PPP1R12B: variants seen among roughly 807,000 people sequenced by gnomAD.
PPP1R12B encodes the protein protein phosphatase 1 regulatory subunit 12B.
In PPP1R12B, 76 loss-of-function variants were observed where a neutral mutation model predicts 126.1. The ratio of observed to expected loss-of-function variants is 0.60; its 90% CI spans 0.50 to 0.73. The LOEUF is 0.73. Among genes scored for constraint, PPP1R12B ranks in the 30% least tolerant of loss-of-function variants. The pLI, the probability that PPP1R12B is intolerant of heterozygous loss-of-function variation, is 0.00. For missense variants in PPP1R12B, 1,052 were observed against 1,205.1 expected, an observed-to-expected ratio of 0.87 and a Z score of 1.88; for synonymous variants, 356 against 434.7, an observed-to-expected ratio of 0.82 and a Z score of 2.25.
At chr1:202,420,729 A>C (rs1461435050) in intron 2 of PPP1R12B, among the ~76,000 whole-genome samples, 2 of 152,196 alleles carry the variant, frequency 1.3e-5, no homozygotes, top group Non-Finnish European at 2.9e-5. Flanking sequence ...AGAATTAAGA[A>C]TACAAATAGA....
In PPP1R12B at chr1:202,581,104, ATTCTT is replaced by A. The variant is rs959220882; in HGVS notation, c.*545_*549del. The A allele has an allele frequency of 6.5e-6, 1 of 153,580 alleles. No homozygotes were observed. The highest frequency in any genetic ancestry group is 2.4e-5 in the African/African-American group (1 of 41,404). The allele number at this position is 153,580 out of a possible 1,614,324, so 9.5% of individuals were successfully genotyped here. On this transcript the variant is annotated 3_prime_UTR_variant, in exon 24 of 24. Coordinates refer to ENST00000608999, the MANE Select transcript of PPP1R12B (RefSeq NM_002481.4). ...GACAGTGACTGCATTGAGGCGCTCT[ATTCTT>A]CTTCACCTCTCAGGAACTGACTTTT... is the stretch of plus-strand genomic sequence containing the variant.
chr1:202,371,676 A>G (rs1225403711), intron 1 of PPP1R12B, among the ~76,000 whole-genome samples: 1 of 151,914 alleles, frequency 6.6e-6, no homozygotes, highest in Non-Finnish European at 1.5e-5. Context: ...TAAACTTTTT[A>G]TTTAGAAGTG....
chr1:202,567,803 G>T lies in PPP1R12B; in HGVS notation c.2783G>T (p.Arg928Leu), dbSNP rs745900024. Residue 928 changes from arginine (R) to leucine (L), a missense_variant, in exon 22 of 24, where the codon CGA (arginine) becomes CTA (leucine). Coordinates refer to ENST00000608999, the MANE Select transcript of PPP1R12B (RefSeq NM_002481.4). Reference sequence around the variant, plus strand: ...CAGAAACAAGAAAAGACCTCTGACCGATCATCAGTGCTGGAGATGGAGAAA... The same window carrying T: ...CAGAAACAAGAAAAGACCTCTGACCTATCATCAGTGCTGGAGATGGAGAAA... ...AQQKQEKTSD[R>L]SSVLEMEKRE... 3 of 1,614,010 alleles carry T rather than the reference G, an allele frequency of 1.9e-6. No individual in the cohort carries two copies. Among genetic ancestry groups the T allele is most frequent in the Non-Finnish European group, 2.5e-6 (3 of 1,179,942 alleles).
At chr1:202,541,229 GT>G (rs3834065) in intron 18 of PPP1R12B, among the ~76,000 whole-genome samples, 2 of 150,714 alleles carry the variant, frequency 1.3e-5, no homozygotes, top group Non-Finnish European at 3.0e-5. Flanking sequence ...ACTAGTGTGG[GT>G]TTTTTTTTCC....
chr1:202,354,523 G>A (rs1366767877), intron 1 of PPP1R12B, among the ~76,000 whole-genome samples: 1 of 152,108 alleles, frequency 6.6e-6, no homozygotes, highest in Non-Finnish European at 1.5e-5. Flanking sequence ...AGCCATGATC[G>A]TGCCACTGCA....
At chr1:202,428,120 C>G (rs1669788485) in intron 5 of PPP1R12B, among the ~76,000 whole-genome samples, 1 of 151,790 alleles carries the variant, frequency 6.6e-6, no homozygotes, top group South Asian at 2.1e-4. Flanking sequence ...TATGTGTCCT[C>G]TGTGATAGAT....
intron 1 of PPP1R12B, among the ~76,000 whole-genome samples, chr1:202,414,549 C>G (rs1667818852): frequency 6.6e-6 from 1 of 152,128 alleles, no homozygotes; most frequent in Non-Finnish European, 1.5e-5. Context: ...GGGATGCTGT[C>G]AAGCTCATGG....
chr1:202,469,384 AC>A (rs1458207509), intron 13 of PPP1R12B, among the ~76,000 whole-genome samples: 11 of 152,196 alleles, frequency 7.2e-5, no homozygotes, highest in Non-Finnish European at 1.6e-4. Context: ...TTTAAAAATA[AC>A]TATTGGGTAC....
chr1:202,465,786 G>A (rs188393339), intron 13 of PPP1R12B, among the ~76,000 whole-genome samples: 2 of 152,060 alleles, frequency 1.3e-5, no homozygotes, highest in Non-Finnish European at 2.9e-5. Context: ...TTTTTCTAAG[G>A]AAATCTAGTC....
chr1:202,459,070 C>T (rs1282130279), intron 13 of PPP1R12B, among the ~76,000 whole-genome samples: 1 of 152,124 alleles, frequency 6.6e-6, no homozygotes, highest in Non-Finnish European at 1.5e-5. Flanking sequence ...TACCAATTGG[C>T]CAATGATCAG....
rs549471418 is a variant in PPP1R12B at position 202,588,028 on chromosome 1, A to T, written c.*7468A>T. ...ATGATTTCCCTGCAGAAGGAAGGAA[A>T]GAATGTTTCACCCTTGCATCCTTCT... On this transcript the variant is annotated 3_prime_UTR_variant, in exon 24 of 24. Transcript: ENST00000608999. 13 of 151,692 alleles carry T rather than the reference A, an allele frequency of 8.6e-5. No homozygotes were observed. The highest frequency in any genetic ancestry group is 2.9e-4 in the African/African-American group (12 of 41,534). The allele number at this position is 151,692 out of a possible 1,614,324, so 9.4% of individuals were successfully genotyped here. A position where few individuals can be genotyped will look rare whatever the true frequency, so the allele number is the denominator to read the frequency against.
Position 202,588,821 on chromosome 1 carries a change from C to T in PPP1R12B, c.*8261C>T, listed in dbSNP as rs1689973702. 2 of 90,166 alleles carry T rather than the reference C, an allele frequency of 2.2e-5. No individual in the cohort carries two copies. Among genetic ancestry groups the T allele is most frequent in the African/African-American group, 7.9e-5 (2 of 25,210 alleles). The allele number at this position is 90,166 out of a possible 1,614,324, so 5.6% of individuals were successfully genotyped here. A position where few individuals can be genotyped will look rare whatever the true frequency, so the allele number is the denominator to read the frequency against. The stretch of plus-strand genomic sequence containing the variant: ...AGCCTAGATTGGCGTTCAAAAGAAC[C>T]GTAAGATAGATAGATAGATAGATAG... On this transcript the variant is annotated 3_prime_UTR_variant, in exon 24 of 24. Coordinates refer to ENST00000608999, the MANE Select transcript of PPP1R12B (RefSeq NM_002481.4).
intron 1 of PPP1R12B, among the ~76,000 whole-genome samples, chr1:202,354,823 T>G (rs1314732264): frequency 2.3e-4 from 29 of 126,760 alleles, no homozygotes; most frequent in Admixed American, 3.9e-4. Flanking sequence ...AATTGTTTTT[T>G]TTGTTGTTGT....
At chr1:202,525,700 T>C (rs1683258083) in intron 18 of PPP1R12B, among the ~76,000 whole-genome samples, 1 of 149,822 alleles carries the variant, frequency 6.7e-6, no homozygotes, top group Non-Finnish European at 1.5e-5. Flanking sequence ...AAGAAAAGGA[T>C]GTTTTTTGTT....
At chr1:202,509,924 A>G (rs1202076582) in intron 18 of PPP1R12B, among the ~76,000 whole-genome samples, 1 of 152,194 alleles carries the variant, frequency 6.6e-6, no homozygotes, top group Non-Finnish European at 1.5e-5. Flanking sequence ...ACTGACATTA[A>G]TATGTCACAG....
At chr1:202,556,520 T>C (rs1317534974) in intron 18 of PPP1R12B, among the ~76,000 whole-genome samples, 1 of 152,240 alleles carries the variant, frequency 6.6e-6, no homozygotes, top group Admixed American at 6.5e-5. Context: ...AAAATGTATG[T>C]ATCTCTTCTG....
intron 23 of PPP1R12B, among the ~76,000 whole-genome samples, chr1:202,579,362 TC>T (rs1413362078): frequency 6.6e-6 from 1 of 152,074 alleles, no homozygotes; most frequent in African/African-American, 2.4e-5. Context: ...GCCCCTGGGG[TC>T]CTATAGGTTG....
chr1:202,434,513 T>G (rs1317482753), intron 8 of PPP1R12B, 143 bp from the exon 9 acceptor site: 1 of 1,064,710 alleles, frequency 9.4e-7, no homozygotes, highest in Non-Finnish European at 1.3e-6. Context: ...GTTTACAAGT[T>G]GTTAGTTTAT....
chr1:202,439,760 AG>A (rs35469577), intron 10 of PPP1R12B: 10,314 of 521,268 alleles, frequency 0.02, 470 homozygotes, highest in African/African-American at 0.13. Context: ...GCGCAGAGTG[AG>A]GGGGACCTCA....
Sources: allele counts gnomAD v4.1 joint callset (sites outside exome capture counted in the v4.1 genomes callset), GRCh38; gene constraint gnomAD v4.1.1; transcripts MANE v1.5; gene names NCBI Gene and HGNC (gene_info 2026-07-23, HGNC 2026-07-21).